The following PIK3C2G variants were observed in gnomAD, a reference collection of about 807,000 sequenced individuals.
PIK3C2G encodes the protein phosphatidylinositol-4-phosphate 3-kinase catalytic subunit type 2 gamma.
Under a neutral mutation model 181.1 loss-of-function variants are expected in PIK3C2G, and 168 were observed. The ratio of observed to expected loss-of-function variants is 0.93; its 90% confidence interval spans 0.82 to 1.05. The LOEUF (loss-of-function observed/expected upper bound fraction) is 1.05, where lower values mean the gene tolerates loss of function less well. PIK3C2G is among the 50% of genes least tolerant of loss of function. The pLI, the probability that PIK3C2G is intolerant of heterozygous loss-of-function variation, is 0.00. For missense variants in PIK3C2G, 1,869 were observed against 1,732.8 expected, an observed-to-expected ratio of 1.08 and a Z score of -1.40; for synonymous variants, 573 against 592.2, an observed-to-expected ratio of 0.97 and a Z score of 0.47.
chr12:18,500,994 C>T (rs564223073), intron 22 of PIK3C2G, among the ~76,000 whole-genome samples: 54 of 151,996 alleles, frequency 3.6e-4, no homozygotes, highest in Non-Finnish European at 6.3e-4. Context: ...CGCGTAGGTC[C>T]GCAGCTTCAC....
intron 18 of PIK3C2G, among the ~76,000 whole-genome samples, chr12:18,461,096 C>T (rs571113354): frequency 1.1e-4 from 17 of 152,050 alleles, no homozygotes; most frequent in Middle Eastern, 3.4e-3. Flanking sequence ...ATATAATCTG[C>T]GTGGTATTTT....
At chr12:18,329,698 A>C (rs972406464) in intron 8 of PIK3C2G, among the ~76,000 whole-genome samples, 6 of 152,040 alleles carry the variant, frequency 3.9e-5, no homozygotes, top group African/African-American at 1.4e-4. Context: ...AAATAATATC[A>C]CGAGGTTTTC....
intron 18 of PIK3C2G, among the ~76,000 whole-genome samples, chr12:18,441,416 GA>G (rs1377685989): frequency 6.6e-6 from 1 of 152,084 alleles, no homozygotes; most frequent in Non-Finnish European, 1.5e-5. Flanking sequence ...TTTACAATAG[GA>G]AAAATTGCTT....
At chr12:18,603,064 T>C (rs894249408) in intron 30 of PIK3C2G, among the ~76,000 whole-genome samples, 8 of 152,192 alleles carry the variant, frequency 5.3e-5, no homozygotes, top group African/African-American at 1.7e-4. Flanking sequence ...AGGTTAGTTA[T>C]TAAGCTAATC....
intron 18 of PIK3C2G, among the ~76,000 whole-genome samples, chr12:18,479,164 T>A (rs1939312323): frequency 6.6e-6 from 1 of 151,472 alleles, no homozygotes; most frequent in African/African-American, 2.4e-5. Flanking sequence ...CATACATACA[T>A]AGAAAGTTGG....
chr12:18,422,315 A>T (rs2135709431), intron 17 of PIK3C2G, among the ~76,000 whole-genome samples: 1 of 137,750 alleles, frequency 7.3e-6, no homozygotes, highest in East Asian at 2.1e-4. Flanking sequence ...GTGACTAGAA[A>T]AATTTAAAAA....
chr12:18,581,976 A>G (rs908865042), intron 29 of PIK3C2G, among the ~76,000 whole-genome samples: 13 of 152,204 alleles, frequency 8.5e-5, no homozygotes, highest in African/African-American at 2.9e-4. Flanking sequence ...AGAGAAAAGC[A>G]TATTTCAAAG....
chr12:18,451,034 T>G (rs1309701555), intron 18 of PIK3C2G, among the ~76,000 whole-genome samples: 1 of 152,206 alleles, frequency 6.6e-6, no homozygotes, highest in Admixed American at 6.5e-5. Context: ...TTGTTCTTTT[T>G]GCTTAGGATT....
At chr12:18,456,306 A>C (rs1947625158) in intron 18 of PIK3C2G, among the ~76,000 whole-genome samples, 1 of 152,100 alleles carries the variant, frequency 6.6e-6, no homozygotes, top group African/African-American at 2.4e-5. Context: ...GGGAGGTTTA[A>C]TAGGTGAGAG....
intron 31 of PIK3C2G, among the ~76,000 whole-genome samples, chr12:18,622,402 G>T (rs1279768301): frequency 6.6e-6 from 1 of 151,806 alleles, no homozygotes; most frequent in Non-Finnish European, 1.5e-5. Context: ...TTCTTTTGAG[G>T]TTTAATAATA....
intron 23 of PIK3C2G, among the ~76,000 whole-genome samples, chr12:18,503,924 T>G (rs1410201868): frequency 6.6e-6 from 1 of 152,194 alleles, no homozygotes; most frequent in African/African-American, 2.4e-5. Flanking sequence ...TGGCTTGCAG[T>G]GTACAGTTGT....
intron 8 of PIK3C2G, among the ~76,000 whole-genome samples, chr12:18,333,442 C>T (rs1039339495): frequency 2.0e-5 from 3 of 152,100 alleles, no homozygotes; most frequent in African/African-American, 7.2e-5. Context: ...CCTCTAACCC[C>T]CCACCCACCG....
intron 25 of PIK3C2G, among the ~76,000 whole-genome samples, chr12:18,542,560 ACCCTCGC>A (rs1325926121): frequency 1.3e-5 from 2 of 151,260 alleles, no homozygotes; most frequent in Non-Finnish European, 3.0e-5. Context: ...CCCTCCTCCT[ACCCTCGC>A]CCCTCAAGTA....
At chr12:18,726,621 G>A in the PIK3C2G span, among the ~76,000 whole-genome samples, 1 of 151,980 alleles carries the variant, frequency 6.6e-6, no homozygotes, top group South Asian at 2.1e-4. Context: ...GAAACAGAAT[G>A]AAGGCTTTCC....
chr12:18,362,958 G>T, intron 12 of PIK3C2G, 72 bp downstream of exon 12: 1 of 1,218,184 alleles, frequency 8.2e-7, no homozygotes. Flanking sequence ...TTTTTTAAAA[G>T]CAAGGGATGT....
intron 1 of PIK3C2G, among the ~76,000 whole-genome samples, chr12:18,273,932 T>C (rs1284440645): frequency 6.6e-6 from 1 of 151,994 alleles, no homozygotes; most frequent in Non-Finnish European, 1.5e-5. Context: ...ATCCAGAATC[T>C]ACAATGAACT....
At chr12:18,538,342 T>C (rs1254929286) in intron 25 of PIK3C2G, 30 bp downstream of exon 25, 5 of 1,566,694 alleles carry the variant, frequency 3.2e-6, no homozygotes, top group Non-Finnish European at 4.3e-6. Flanking sequence ...AAAACAAAAA[T>C]AATAAGCTTC....
intron 2 of PIK3C2G, among the ~76,000 whole-genome samples, chr12:18,284,287 C>T (rs1949348721): frequency 6.6e-6 from 1 of 152,080 alleles, no homozygotes; most frequent in South Asian, 2.1e-4. Flanking sequence ...AAAGCCATGT[C>T]TTAAGAGTAA....
chr12:18,640,005 T>G (rs1949773218), intron 31 of PIK3C2G, among the ~76,000 whole-genome samples: 1 of 151,784 alleles, frequency 6.6e-6, no homozygotes, highest in African/African-American at 2.4e-5. Flanking sequence ...TACATATTAT[T>G]AAATGCTACA....
Sources: allele counts gnomAD v4.1 joint callset (sites outside exome capture counted in the v4.1 genomes callset), GRCh38; gene constraint gnomAD v4.1.1; transcripts MANE v1.5; gene names NCBI Gene and HGNC (gene_info 2026-07-23, HGNC 2026-07-21).